The following GRK7 variants were observed in gnomAD, a reference collection of about 807,000 sequenced individuals.
GRK7 encodes rhodopsin kinase GRK7.
In GRK7, 24 loss-of-function variants were observed where a neutral mutation model predicts 34.1. The observed-to-expected ratio is 0.70, with a 90% confidence interval of 0.51 to 0.99. The LOEUF (loss-of-function observed/expected upper bound fraction) is 0.99, where lower values mean the gene tolerates loss of function less well. GRK7 is among the 50% of genes least tolerant of loss of function. The pLI, the probability that GRK7 is intolerant of heterozygous loss-of-function variation, is 0.00. For missense variants in GRK7, 644 were observed against 707.3 expected (o/e 0.91, Z 1.02); for synonymous variants, 256 against 279.4 (o/e 0.92, Z 0.84).
In GRK7 at chr3:141,780,463, G is replaced by T. The variant is rs974495658; in HGVS notation, c.702G>T (p.Lys234Asn). 3 of 1,614,120 alleles carry T rather than the reference G, an allele frequency of 1.9e-6. No homozygotes were observed. Among genetic ancestry groups the T allele is most frequent in the Admixed American group, 3.3e-5 (2 of 60,006 alleles). ...KKRLKKKGGE[K>N]MALLEKEILE... ...GGCTGAAGAAGAAAGGTGGCGAGAA[G>T]ATGGCTCTCTTGGAAAAGGAAATCT... Residue 234 changes from lysine to asparagine, a missense_variant, in exon 4 of 6, where the codon AAG becomes AAT. By Grantham distance (94) the Lys-to-Asn change is moderately conservative. Coordinates refer to ENST00000682958, the MANE Select transcript of GRK7 (RefSeq NM_139209.3).
At chr3:141,762,370 T>G (rs999419285), upstream of GRK7, among the ~76,000 whole-genome samples, 163 of 146,350 alleles carry the variant, frequency 1.1e-3, 1 homozygote, top group Admixed American at 2.1e-3. Context: ...TGGAATACCC[T>G]GCCGTGTGAG....
chr3:141,806,566 AAT>A (rs148786958), intron 4 of GRK7, among the ~76,000 whole-genome samples: 132 of 149,578 alleles, frequency 8.8e-4, no homozygotes, highest in African/African-American at 2.2e-3. Flanking sequence ...CCATCTCAAA[AAT>A]ATATATATAT....
chr3:141,789,068 G>A (rs555665282), intron 4 of GRK7, among the ~76,000 whole-genome samples: 1 of 152,284 alleles, frequency 6.6e-6, no homozygotes, highest in East Asian at 1.9e-4. Context: ...ACTTGCCTCA[G>A]CCTCCTAAAG....
rs777683287 is a variant in GRK7 at position 141,780,617 on chromosome 3, C to T, written c.856C>T (p.Arg286Cys). 2.3e-5 allele frequency: 37 copies of T among 1,614,086 alleles called. No individual in the cohort carries two copies. Among genetic ancestry groups the T allele is most frequent in the Middle Eastern group, 1.6e-4 (1 of 6,084 alleles). The change falls in exon 4 of 6, where the codon CGT becomes TGT. Residue 286 changes from arginine (R) to cysteine (C), a missense_variant. By Grantham distance (180) the Arg-to-Cys change is radical. Coordinates refer to ENST00000682958, the MANE Select transcript of GRK7 (RefSeq NM_139209.3). ...GTTCCACATCTACAACGTGGGCACG[C>T]GTGGCCTGGACATGAGCCGGGTGAT... ...LKFHIYNVGT[R>C]GLDMSRVIFY...
In GRK7 at chr3:141,778,935, T is replaced by C. The variant is rs2084656771; in HGVS notation, c.612+39T>C. The C allele has an allele frequency of 6.4e-7, 1 of 1,559,446 alleles. No individual in the cohort carries two copies. The highest frequency in any genetic ancestry group is 1.4e-5 in the African/African-American group (1 of 72,778). On this transcript the variant is annotated intron_variant, in intron 3 of 5. Coordinates refer to ENST00000682958, the MANE Select transcript of GRK7 (RefSeq NM_139209.3). This position sits in a 1 kb window ranked among gnomAD's most constrained non-coding sequence, Gnocchi z 4.1. ...AGTAGCCAGGCTAGAAGGTGAAGCA[T>C]AGAGCATGAAAGGGGGTAATGTTGC...
chr3:141,779,431 G>GAAAGA (rs1284952683), intron 3 of GRK7, among the ~76,000 whole-genome samples: 2 of 142,464 alleles, frequency 1.4e-5, no homozygotes, highest in Admixed American at 7.1e-5. Flanking sequence ...AAAAAAGAAA[G>GAAAGA]AAAGAAAAGA....
At chr3:141,815,894 A>G (rs1238130897) in intron 5 of GRK7, among the ~76,000 whole-genome samples, 1 of 152,194 alleles carries the variant, frequency 6.6e-6, no homozygotes, top group African/African-American at 2.4e-5. Context: ...CTCAGCCAGC[A>G]GCTTTACTGC....
rs1301393953 is a variant in GRK7, at chr3:141,818,501, CA to C, written c.*1455del. On this transcript the variant is annotated 3_prime_UTR_variant, in exon 6 of 6. Coordinates refer to ENST00000682958, the MANE Select transcript of GRK7 (RefSeq NM_139209.3). ...TATCTCAAAAAAAAACAAAACAAAA[CA>C]AAACAAAAAAAACAGAAAAGAAATT... 3 of 151,832 alleles carry C rather than the reference CA, an allele frequency of 2.0e-5. No homozygotes were observed. In the East Asian group the frequency reaches 5.8e-4, roughly 29 times the overall value. 9.4% of individuals were successfully genotyped at this position (151,832 alleles called of 1,614,324 possible).
intron 1 of GRK7, among the ~76,000 whole-genome samples, chr3:141,773,408 C>T (rs186553015): frequency 1.2e-4 from 18 of 152,134 alleles, no homozygotes; most frequent in African/African-American, 4.3e-4. Context: ...TCTTCTTCTA[C>T]ATCGCTTAGG....
In GRK7 at chr3:141,805,040, TCACA is replaced by T. The variant is rs201165917; in HGVS notation, c.1051-2599_1051-2596del. 8.2e-3 allele frequency among the ~76,000 whole-genome samples: 1,118 copies of T among 136,300 alleles called. 14 individuals are homozygous for T. The highest frequency in any genetic ancestry group is 0.03 in the African/African-American group (1,046 of 34,436). 89.4% of individuals were successfully genotyped at this position (136,300 alleles called of 152,430 possible). A position where few individuals can be genotyped will look rare whatever the true frequency, so the allele number is the denominator to read the frequency against. On this transcript the variant is annotated intron_variant, in intron 4 of 5. Coordinates refer to ENST00000682958, the MANE Select transcript of GRK7 (RefSeq NM_139209.3). ...TACACCCACACACGCATACACCCAC[TCACA>T]CACACTCATATGCCCACACACACAC... is the stretch of plus-strand genomic sequence containing the variant.
intron 2 of GRK7, among the ~76,000 whole-genome samples, chr3:141,777,728 G>A (rs1344473684): frequency 6.6e-6 from 1 of 151,830 alleles, no homozygotes; most frequent in Non-Finnish European, 1.5e-5. Flanking sequence ...CACATCTCGG[G>A]ACTCAAAGCT....
At chr3:141,813,189 G>A (rs1211838561) in intron 5 of GRK7, among the ~76,000 whole-genome samples, 2 of 152,132 alleles carry the variant, frequency 1.3e-5, no homozygotes, top group Non-Finnish European at 2.9e-5. Flanking sequence ...GCAATGGCCC[G>A]ATCTCGGCTC....
chr3:141,816,838 G>A lies in GRK7; in HGVS notation c.1450G>A (p.Ala484Thr). 1.9e-6 allele frequency: 3 copies of A among 1,613,888 alleles called. No homozygotes were observed. The highest frequency in any genetic ancestry group is 1.7e-6 in the Non-Finnish European group (2 of 1,179,878). ...DPSVVYAKDIAEIDDFSEVRG... is the reference protein window; with the variant it reads ...DPSVVYAKDITEIDDFSEVRG... ...TTCAGTGGTTTATGCCAAAGACATC[G>A]CTGAAATTGATGATTTCTCTGAGGT... The change falls in exon 6 of 6, where the codon GCT (alanine) becomes ACT (threonine). Residue 484 changes from alanine to threonine, a missense_variant. Transcript: ENST00000682958.
intron 4 of GRK7, among the ~76,000 whole-genome samples, chr3:141,803,824 C>G (rs1438712394): frequency 6.6e-6 from 1 of 152,138 alleles, no homozygotes; most frequent in Non-Finnish European, 1.5e-5. Flanking sequence ...CAGGTTCAAG[C>G]GATTCTCCTG....
chr3:141,815,231 T>TTTG (rs1553738547), intron 5 of GRK7, among the ~76,000 whole-genome samples: 43 of 148,378 alleles, frequency 2.9e-4, no homozygotes, highest in African/African-American at 1.0e-3. Context: ...GGTTGGTTTT[T>TTTG]TTTGTTTGTT....
At chr3:141,781,947 TG>T (rs1225483902) in intron 4 of GRK7, among the ~76,000 whole-genome samples, 2 of 152,208 alleles carry the variant, frequency 1.3e-5, no homozygotes, top group Non-Finnish European at 2.9e-5. Context: ...ACCTCATTTT[TG>T]TACAGTTTTC....
intron 2 of GRK7, among the ~76,000 whole-genome samples, chr3:141,774,943 CCA>C (rs1420642332): frequency 6.6e-6 from 1 of 152,036 alleles, no homozygotes; most frequent in Non-Finnish European, 1.5e-5. Flanking sequence ...CAGGAGTCCG[CCA>C]CCATGCCCAG....
chr3:141,809,150 C>T (rs143030887), intron 5 of GRK7, among the ~76,000 whole-genome samples: 5 of 151,958 alleles, frequency 3.3e-5, no homozygotes, highest in East Asian at 1.9e-4. Flanking sequence ...TGCAGTGAGC[C>T]GAGATCGCGC....
Position 141,778,495 on chromosome 3 carries a change from C to A in GRK7, c.211C>A (p.Arg71Ser), listed in dbSNP as rs201493770. The A allele has an allele frequency of 2.6e-5, 42 of 1,613,134 alleles. No individual in the cohort carries two copies. Among genetic ancestry groups the A allele is most frequent in the Non-Finnish European group, 3.1e-5 (37 of 1,179,964 alleles). The change falls in exon 3 of 6, where the codon CGT becomes AGT. Residue 71 changes from arginine (R) to serine (S), a missense_variant. Coordinates refer to ENST00000682958, the MANE Select transcript of GRK7 (RefSeq NM_139209.3). The surrounding 1 kb of genome is among the most constrained non-coding windows in gnomAD (Gnocchi z 4.1). Reference sequence around the variant, plus strand: ...GCAGCCCATCGGTCGCCGCCTCTTCCGTGACTTCCTAGCCACAGTGCCCAC... The same window carrying A: ...GCAGCCCATCGGTCGCCGCCTCTTCAGTGACTTCCTAGCCACAGTGCCCAC... ...EQQPIGRRLF[R>S]DFLATVPTFR...
Sources: allele counts gnomAD v4.1 joint callset (sites outside exome capture counted in the v4.1 genomes callset), GRCh38; gene constraint gnomAD v4.1.1; non-coding constraint Gnocchi (gnomAD v3.1); transcripts MANE v1.5; gene names NCBI Gene and HGNC (gene_info 2026-07-23, HGNC 2026-07-21).